Variants in LIPI observed in about 807,000 individuals in gnomAD.
LIPI encodes the protein lipase I.
LIPI carries 59 observed loss-of-function variants against 50.6 expected under a neutral mutation model. The ratio of observed to expected loss-of-function variants is 1.16; its 90% CI spans 0.94 to 1.45. The LOEUF (loss-of-function observed/expected upper bound fraction) is 1.45. Ranked by LOEUF, LIPI falls within the 40% of genes most tolerant of loss-of-function variation. The pLI is 0.00. For missense variants in LIPI, 586 were observed against 536.3 expected (o/e 1.09, Z -0.92); for synonymous variants, 203 against 178.2 (o/e 1.14, Z -1.11).
In LIPI at chr21:14,109,090, A is replaced by G. The variant is rs1462600947; in HGVS notation, c.1296-10T>C. 2 of 1,577,228 alleles carry G rather than the reference A, an allele frequency of 1.3e-6. No homozygotes were observed. The highest frequency in any genetic ancestry group is 1.7e-6 in the Non-Finnish European group (2 of 1,147,584). On this transcript the variant is annotated splice_polypyrimidine_tract_variant and intron_variant, in intron 9 of 9. Transcript: ENST00000681601. ...CCTGCAAAGTGGTGGTCTGAGAAAG[A>G]GAAAAATGGAGAGAACAAAAAAATA...
At chr21:14,189,482 G>T in intron 1 of LIPI, 63 bp from the exon 2 acceptor site, 3 of 1,442,586 alleles carry the variant, frequency 2.1e-6, no homozygotes, top group South Asian at 1.2e-5. Flanking sequence ...TGTTGCTATT[G>T]CAAAGAACAG....
At chr21:14,188,027 A>G (rs1369159517) in intron 2 of LIPI, among the ~76,000 whole-genome samples, 1 of 152,158 alleles carries the variant, frequency 6.6e-6, no homozygotes, top group African/African-American at 2.4e-5. Context: ...TTGAAAGTTC[A>G]GCACAACACA....
chr21:14,159,527 A>T (rs764741394), intron 7 of LIPI, among the ~76,000 whole-genome samples: 8 of 151,386 alleles, frequency 5.3e-5, no homozygotes, highest in Non-Finnish European at 1.5e-5. Flanking sequence ...TACAAAAAAA[A>T]CTATAAGTCA....
chr21:14,142,958 A>T (rs1452992575), intron 9 of LIPI, among the ~76,000 whole-genome samples: 1 of 152,132 alleles, frequency 6.6e-6, no homozygotes, highest in Non-Finnish European at 1.5e-5. Context: ...TCAGCATGCT[A>T]CTTGAATTTT....
chr21:14,160,516 T>C (rs190852037), intron 7 of LIPI, among the ~76,000 whole-genome samples: 1 of 151,460 alleles, frequency 6.6e-6, no homozygotes, highest in Non-Finnish European at 1.5e-5. Context: ...ATTTCAGATG[T>C]AAATGTAACA....
intron 3 of LIPI, among the ~76,000 whole-genome samples, chr21:14,182,908 T>C (rs1286054086): frequency 6.6e-6 from 1 of 152,126 alleles, no homozygotes; most frequent in Non-Finnish European, 1.5e-5. Context: ...GAAAAGGTAA[T>C]TTATAGATTC....
chr21:14,173,410 C>T (rs1421377935), intron 4 of LIPI, among the ~76,000 whole-genome samples: 1 of 152,134 alleles, frequency 6.6e-6, no homozygotes, highest in Non-Finnish European at 1.5e-5. Context: ...TTATGTAGCC[C>T]TGTAGATCAT....
chr21:14,124,075 T>A (rs1478921250), intron 9 of LIPI, among the ~76,000 whole-genome samples: 1 of 152,180 alleles, frequency 6.6e-6, no homozygotes, highest in Non-Finnish European at 1.5e-5. Context: ...CTTTGATAAT[T>A]GGTTTTGTAG....
chr21:14,172,864 A>G (rs1373922997), intron 4 of LIPI, among the ~76,000 whole-genome samples: 1 of 152,134 alleles, frequency 6.6e-6, no homozygotes. Flanking sequence ...CTTAAAGTAT[A>G]ATAATAATAA....
chr21:14,199,792 A>G (rs1600934365), intron 1 of LIPI, among the ~76,000 whole-genome samples: 1 of 152,026 alleles, frequency 6.6e-6, no homozygotes, highest in East Asian at 1.9e-4. Context: ...GCAGAGATTT[A>G]ACAACACCAC....
intron 9 of LIPI, among the ~76,000 whole-genome samples, chr21:14,130,893 T>C (rs2017267106): frequency 6.6e-6 from 1 of 152,154 alleles, no homozygotes; most frequent in South Asian, 2.1e-4. Context: ...TACCCAGAGA[T>C]CTGAGAGCCT....
intron 1 of LIPI, among the ~76,000 whole-genome samples, chr21:14,189,975 G>A (rs1181111943): frequency 6.6e-6 from 1 of 152,152 alleles, no homozygotes; most frequent in South Asian, 2.1e-4. Flanking sequence ...TGTGCTTACT[G>A]TACACATAAA....
At chr21:14,185,837 C>T (rs113400488) in intron 3 of LIPI, 124 bp downstream of exon 3, 5 of 617,116 alleles carry the variant, frequency 8.1e-6, no homozygotes, top group South Asian at 1.9e-5. Flanking sequence ...GAGCCGAGAT[C>T]GCACCACTGC....
intron 9 of LIPI, among the ~76,000 whole-genome samples, chr21:14,109,307 C>T (rs910066270): frequency 7.2e-5 from 11 of 152,014 alleles, no homozygotes; most frequent in Non-Finnish European, 1.6e-4. Context: ...TCTGTTTCAA[C>T]TTCTTTTCTC....
chr21:14,163,780 T>C (rs1311567314), intron 6 of LIPI, among the ~76,000 whole-genome samples: 3 of 152,012 alleles, frequency 2.0e-5, no homozygotes. Flanking sequence ...TCCATCCGTA[T>C]GGCTATAGTC....
At chr21:14,202,743 TA>T (rs1281376330) in intron 1 of LIPI, among the ~76,000 whole-genome samples, 1 of 152,124 alleles carries the variant, frequency 6.6e-6, no homozygotes, top group Non-Finnish European at 1.5e-5. Flanking sequence ...GAAGAAAACC[TA>T]GGCCATACCA....
intron 4 of LIPI, among the ~76,000 whole-genome samples, chr21:14,169,999 C>CA (rs746460832): frequency 2.0e-4 from 30 of 152,004 alleles, no homozygotes; most frequent in Admixed American, 1.3e-4. Context: ...AGAGAAGAAT[C>CA]AAATAGATGC....
At chr21:14,182,690 A>G (rs895944313) in intron 3 of LIPI, among the ~76,000 whole-genome samples, 1 of 151,728 alleles carries the variant, frequency 6.6e-6, no homozygotes, top group Non-Finnish European at 1.5e-5. Flanking sequence ...AGAACTACAA[A>G]CCACTGCTCA....
intron 9 of LIPI, among the ~76,000 whole-genome samples, chr21:14,112,840 A>T (rs367979836): frequency 2.0e-5 from 3 of 152,288 alleles, no homozygotes; most frequent in East Asian, 3.9e-4. Context: ...TTGTATATTG[A>T]TTTTGTTTCC....
Sources: gnomAD v4.1 joint callset for allele counts (sites outside exome capture counted in the v4.1 genomes callset) on GRCh38, gnomAD v4.1.1 for gene constraint, MANE v1.5 for transcripts, NCBI Gene and HGNC (gene_info 2026-07-23, HGNC 2026-07-21) for gene names.